ENOPH1: variants seen among roughly 807,000 people sequenced by gnomAD.
ENOPH1 encodes the protein enolase-phosphatase 1, also known as enolase-phosphatase E1.
A neutral mutation model predicts 31.1 loss-of-function variants in ENOPH1; 14 were observed. The ratio of observed to expected loss-of-function variants is 0.45; its 90% CI spans 0.30 to 0.70. The LOEUF (loss-of-function observed/expected upper bound fraction) is 0.70. Ranked by LOEUF, ENOPH1 falls within the 30% of genes least tolerant of loss-of-function variation. The pLI is 0.09. For synonymous variants in ENOPH1, 127 were observed against 123.2 expected (o/e 1.03, Z -0.21); for missense variants, 243 against 321.5 (o/e 0.76, Z 1.87).
chr4:82,436,214 T>G (rs1578092769), intron 1 of ENOPH1, among the ~76,000 whole-genome samples: 1 of 152,348 alleles, frequency 6.6e-6, no homozygotes, highest in East Asian at 1.9e-4. Context: ...GAATGGCAGA[T>G]AAGTAGTTGT....
chr4:82,455,431 C>G (rs760105127), intron 4 of ENOPH1, among the ~76,000 whole-genome samples: 13 of 152,142 alleles, frequency 8.5e-5, no homozygotes, highest in Non-Finnish European at 1.6e-4. Flanking sequence ...GGAATATAGA[C>G]TTAACTTAAA....
At chr4:82,442,175 A>G (rs1722057455) in intron 1 of ENOPH1, among the ~76,000 whole-genome samples, 1 of 152,184 alleles carries the variant, frequency 6.6e-6, no homozygotes, top group African/African-American at 2.4e-5. Context: ...AAGTTTATTC[A>G]CTGGATACAG....
chr4:82,448,262 T>C (rs1285027442), intron 2 of ENOPH1, among the ~76,000 whole-genome samples: 1 of 125,382 alleles, frequency 8.0e-6, no homozygotes, highest in Non-Finnish European at 1.8e-5. Context: ...TTTTGTTTTG[T>C]TTTTTTTGTT....
In ENOPH1 at chr4:82,430,692, G is replaced by A; in HGVS notation, c.-138G>A. The A allele has an allele frequency of 1.4e-6, 1 of 707,100 alleles. No homozygotes were observed. The highest frequency in any genetic ancestry group is 2.6e-5 in the Admixed American group (1 of 38,026). 43.8% of individuals were successfully genotyped at this position (707,100 alleles called of 1,614,324 possible). ...AAGTGTCCTCTCCCCACGCGCGGCGGGCTGCACTTGGTCGCTGGCTCCGAG... is the reference window on the plus strand; with the variant it reads ...AAGTGTCCTCTCCCCACGCGCGGCGAGCTGCACTTGGTCGCTGGCTCCGAG... On this transcript the variant is annotated 5_prime_UTR_variant, in exon 1 of 6. Transcript: ENST00000273920.
chr4:82,440,745 T>C lies in ENOPH1; in HGVS notation c.85-7175T>C, dbSNP rs1722018005. ...TTCATTGCACTTAATTAGATAACAG[T>C]GTATCTTTTGTTAATTATAATTTAA... On this transcript the variant is annotated intron_variant, in intron 1 of 5. Transcript: ENST00000273920. 2.6e-5 allele frequency among the ~76,000 whole-genome samples: 4 copies of C among 152,146 alleles called. No homozygotes were observed. In the East Asian group the frequency reaches 7.7e-4, roughly 29 times the overall value.
intron 1 of ENOPH1, among the ~76,000 whole-genome samples, chr4:82,433,478 A>G (rs770714984): frequency 1.3e-5 from 2 of 152,214 alleles, no homozygotes; most frequent in Admixed American, 6.5e-5. Flanking sequence ...GCCCTGTCCT[A>G]TAATAATATC....
chr4:82,449,584 G>A (rs1369599156), intron 2 of ENOPH1, among the ~76,000 whole-genome samples: 1 of 152,150 alleles, frequency 6.6e-6, no homozygotes, highest in Admixed American at 6.5e-5. Context: ...ACAGCATCAA[G>A]GAGGATGGTG....
At chr4:82,455,506 C>T (rs1346305481) in intron 4 of ENOPH1, among the ~76,000 whole-genome samples, 7 of 152,046 alleles carry the variant, frequency 4.6e-5, no homozygotes, top group African/African-American at 7.3e-5. Flanking sequence ...ACCGGCCGGG[C>T]GCAGTGGCTC....
intron 1 of ENOPH1, among the ~76,000 whole-genome samples, chr4:82,433,808 G>A (rs1028595476): frequency 1.3e-5 from 2 of 152,202 alleles, no homozygotes; most frequent in African/African-American, 4.8e-5. Context: ...AAAACTTTTA[G>A]TAGAGTATCT....
In ENOPH1 at chr4:82,460,058, G is replaced by A; in HGVS notation, c.724G>A (p.Glu242Lys). ...AGGCAACGCAGGATTAACAGATGAT[G>A]AGAAGACTTACTACAGCCTCATCAC... ...RPGNAGLTDDEKTYYSLITSF... is the reference protein window; with the variant it reads ...RPGNAGLTDDKKTYYSLITSF... Residue 242 changes from glutamate to lysine, a missense_variant, in exon 6 of 6, where the codon GAG becomes AAG. Physicochemically the swap from Glu to Lys is moderately conservative, Grantham distance 56 (BLOSUM62 1). Coordinates refer to ENST00000273920, the MANE Select transcript of ENOPH1 (RefSeq NM_021204.5). The A allele has an allele frequency of 6.2e-7, 1 of 1,614,176 alleles. No homozygotes were observed.
chr4:82,441,444 A>G (rs574453400), intron 1 of ENOPH1, among the ~76,000 whole-genome samples: 4 of 152,070 alleles, frequency 2.6e-5, no homozygotes, highest in Non-Finnish European at 5.9e-5. Context: ...AACACGGTGA[A>G]ACCCCGTTTC....
At chr4:82,452,759 T>G (rs1034431752) in intron 3 of ENOPH1, among the ~76,000 whole-genome samples, 14 of 151,790 alleles carry the variant, frequency 9.2e-5, no homozygotes, top group African/African-American at 3.1e-4. Flanking sequence ...GCTAATTTTT[T>G]GTATTTTAGT....
chr4:82,435,581 C>A (rs1009720320), intron 1 of ENOPH1, among the ~76,000 whole-genome samples: 1 of 152,116 alleles, frequency 6.6e-6, no homozygotes, highest in African/African-American at 2.4e-5. Flanking sequence ...CTTATGAAAA[C>A]TGCTATATTA....
chr4:82,459,812 GATA>G (rs1399256323), intron 5 of ENOPH1, among the ~76,000 whole-genome samples, 166 bp from the exon 6 acceptor site: 7 of 152,106 alleles, frequency 4.6e-5, no homozygotes, highest in African/African-American at 1.7e-4. Context: ...ACATAAAAGA[GATA>G]ATAATATAGT....
At position 82,461,063 on chromosome 4, in the gene ENOPH1, G is replaced by A. The variant is rs1722633714; in HGVS notation, c.*943G>A. ...CGATGTCATGTTAATTTCATGTTGT[G>A]ATTAATAAAAGCATTTTTTCTTCAC... On this transcript the variant is annotated 3_prime_UTR_variant, in exon 6 of 6. Transcript: ENST00000273920. The A allele has an allele frequency of 6.6e-6, 1 of 152,236 alleles. No homozygotes were observed. The highest frequency in any genetic ancestry group is 2.1e-4 in the South Asian group (1 of 4,820). The allele number at this position is 152,236 out of a possible 1,614,324, so 9.4% of individuals were successfully genotyped here.
At position 82,460,177 on chromosome 4, in the gene ENOPH1, G is replaced by A. The variant is rs1304563807; in HGVS notation, c.*57G>A. The A allele has an allele frequency of 6.4e-7, 1 of 1,572,358 alleles. No individual in the cohort carries two copies. The highest frequency in any genetic ancestry group is 1.4e-5 in the African/African-American group (1 of 73,762). On this transcript the variant is annotated 3_prime_UTR_variant, in exon 6 of 6. Coordinates refer to ENST00000273920, the MANE Select transcript of ENOPH1 (RefSeq NM_021204.5). ...CCCAGAGTTGTCCCTGTAGTGTCTA[G>A]GTTTATTCTAATGGTAAAAGTAACT...
In ENOPH1 at chr4:82,460,120, G is replaced by C. The variant is rs774000439; in HGVS notation, c.786G>C (p.Ter262TyrextTer19). 6.2e-7 allele frequency: 1 copy of C among 1,614,192 alleles called. No homozygotes were observed. The highest frequency in any genetic ancestry group is 8.5e-7 in the Non-Finnish European group (1 of 1,180,026). ...AACTATACCTGCCTTCCTCAACCTA[G>C]AGAAGGGTTGTTAAGGCAGACCGCC... ...FSELYLPSST[*>Y] The change falls in exon 6 of 6, where the codon TAG becomes TAC. Residue 262 changes from the stop codon to tyrosine (Y), a stop_lost. Transcript: ENST00000273920.
chr4:82,437,233 T>C lies in ENOPH1; in HGVS notation c.84+6320T>C, dbSNP rs1032760917. Among the ~76,000 whole-genome samples, 3 of 152,236 alleles carry C rather than the reference T, an allele frequency of 2.0e-5. No individual in the cohort carries two copies. In the East Asian group the frequency reaches 5.8e-4, roughly 29 times the overall value. On this transcript the variant is annotated intron_variant, in intron 1 of 5. Coordinates refer to ENST00000273920, the MANE Select transcript of ENOPH1 (RefSeq NM_021204.5). ...CTCACATTTAATTGAATACCTGTCATGTTCCAGGATATGGTAGGGATCCAG... is the reference window on the plus strand; with the variant it reads ...CTCACATTTAATTGAATACCTGTCACGTTCCAGGATATGGTAGGGATCCAG...
chr4:82,440,203 G>A (rs1457959440), intron 1 of ENOPH1, among the ~76,000 whole-genome samples: 1 of 152,178 alleles, frequency 6.6e-6, no homozygotes, highest in Non-Finnish European at 1.5e-5. Context: ...ATAACTACTT[G>A]AATTATTATT....
Sources: allele counts gnomAD v4.1 joint callset (sites outside exome capture counted in the v4.1 genomes callset), GRCh38; gene constraint gnomAD v4.1.1; transcripts MANE v1.5; gene names NCBI Gene and HGNC (gene_info 2026-07-23, HGNC 2026-07-21).